Variants in ABCC8 observed in about 807,000 individuals in gnomAD.
The protein encoded by ABCC8 is ATP-binding cassette sub-family C member 8.
In ABCC8, 137 loss-of-function variants were observed where a neutral mutation model predicts 188.0. The ratio of observed to expected loss-of-function variants is 0.73; its 90% CI spans 0.63 to 0.84. The LOEUF is 0.84. Among genes scored for constraint, ABCC8 ranks in the 40% least tolerant of loss-of-function variants. ABCC8 has a pLI of 0.00. For synonymous variants in ABCC8, 797 were observed against 846.5 expected, an observed-to-expected ratio of 0.94 and a Z score of 1.01; for missense variants, 1,750 against 2,072.7, an observed-to-expected ratio of 0.84 and a Z score of 3.02.
chr11:17,415,187 C>T, intron 18 of ABCC8, 117 bp downstream of exon 18: 1 of 1,453,080 alleles, frequency 6.9e-7, no homozygotes, highest in East Asian at 2.5e-5. Flanking sequence ...CCCTGGCCTC[C>T]CCCAACACTG....
intron 13 of ABCC8, 73 bp from the exon 14 acceptor site, chr11:17,428,478 A>C (rs1344898270): frequency 1.2e-6 from 2 of 1,602,720 alleles, no homozygotes; most frequent in East Asian, 4.5e-5. Context: ...CTTCCTGGGA[A>C]AAAAGGCAGA....
At position 17,430,948 on chromosome 11, in the gene ABCC8, G is replaced by A. The variant is rs770543163; in HGVS notation, c.1683C>T (p.Gly561=). Residue 561 remains glycine (G), a synonymous_variant, in exon 12 of 39, where the codon GGC becomes GGT. Transcript: ENST00000389817. ...PIAAVLITFV[G]HVSFFKEADF... is the part of the protein sequence containing the mutation. ...CGGCCTCTTTGAAGAAGCTGACGTG[G>A]CCCACGAAAGTCTGTGGACAGAGGC... 12 of 1,614,028 alleles carry A rather than the reference G, an allele frequency of 7.4e-6. No homozygotes were observed. The highest frequency in any genetic ancestry group is 8.5e-6 in the Non-Finnish European group (10 of 1,179,988).
intron 28 of ABCC8, 150 bp from the exon 29 acceptor site, chr11:17,402,903 T>G: frequency 2.2e-6 from 2 of 908,160 alleles, no homozygotes; most frequent in Middle Eastern, 2.3e-4. Context: ...GGGAAGACAA[T>G]GCCACCAGCC....
At chr11:17,392,712 C>T, downstream of ABCC8, 1 of 491,132 alleles carries the variant, frequency 2.0e-6, no homozygotes, top group Non-Finnish European at 3.7e-6. Flanking sequence ...TTTAAAGCCA[C>T]CCAGTCTGTG....
chr11:17,436,069 A>G, intron 10 of ABCC8: 1 of 943,934 alleles, frequency 1.1e-6, no homozygotes, highest in Non-Finnish European at 1.7e-6. Context: ...GAACTGCTCC[A>G]TCTCTTCTTT....
At chr11:17,476,537 G>A (rs1286268324) in intron 1 of ABCC8, 92 bp downstream of exon 1, 4 of 1,496,596 alleles carry the variant, frequency 2.7e-6, no homozygotes, top group Non-Finnish European at 2.7e-6. Context: ...GTCGCGGGCC[G>A]GAAGGGGACG....
At chr11:17,415,847 T>A (rs1454135213) in intron 17 of ABCC8, among the ~76,000 whole-genome samples, 1 of 152,188 alleles carries the variant, frequency 6.6e-6, no homozygotes, top group East Asian at 1.9e-4. Flanking sequence ...GCTCCAGGCA[T>A]GATCTGCAGC....
intron 23 of ABCC8, among the ~76,000 whole-genome samples, chr11:17,407,751 A>G (rs1251105055): frequency 6.6e-6 from 1 of 152,174 alleles, no homozygotes; most frequent in Admixed American, 6.5e-5. Flanking sequence ...CAATCCTCAC[A>G]TTCCACACCG....
intron 7 of ABCC8, among the ~76,000 whole-genome samples, chr11:17,452,263 G>A (rs1367737619): frequency 6.6e-6 from 1 of 152,144 alleles, no homozygotes; most frequent in Non-Finnish European, 1.5e-5. Context: ...ACAGAAGGCA[G>A]GACCAAGAGC....
At position 17,406,688 on chromosome 11, in the gene ABCC8, G is replaced by A. The variant is rs1954542010; in HGVS notation, c.3263C>T (p.Thr1088Ile). 5 of 1,614,202 alleles carry A rather than the reference G, an allele frequency of 3.1e-6. No individual in the cohort carries two copies. In the East Asian group the frequency reaches 8.9e-5, roughly 29 times the overall value. Reference sequence around the variant, plus strand: ...CAGTCTCTTGGCCACCTTCAGCCCTGTCCACTCCACAGTGACAGACGTGAC... The same window carrying A: ...CAGTCTCTTGGCCACCTTCAGCCCTATCCACTCCACAGTGACAGACGTGAC... ...CLVTSVTVEW[T>I]GLKVAKRLHR... Residue 1088 changes from threonine (T) to isoleucine (I), a missense_variant, in exon 26 of 39, where the codon ACA becomes ATA. Thr to Ile is a moderately conservative substitution (Grantham distance 89, BLOSUM62 -1). Transcript: ENST00000389817.
rs748217908 is a variant in ABCC8 at position 17,470,054 on chromosome 11, G to A, written c.412+47C>T. On this transcript the variant is annotated intron_variant, in intron 3 of 38. Coordinates refer to ENST00000389817, the MANE Select transcript of ABCC8 (RefSeq NM_000352.6). ...AATGAGTCCTCAGTAAACATTATCT[G>A]AAGAAATGAATGAAGGTACTGCCCC... 2.0e-5 allele frequency: 32 copies of A among 1,602,694 alleles called. No homozygotes were observed. In the Admixed American group the frequency reaches 3.2e-4, roughly 16 times the overall value.
chr11:17,469,407 T>C (rs1848356309), intron 3 of ABCC8, among the ~76,000 whole-genome samples: 1 of 152,104 alleles, frequency 6.6e-6, no homozygotes, highest in Non-Finnish European at 1.5e-5. Flanking sequence ...GCTCAAGCTT[T>C]AGATGTCATC....
chr11:17,459,462 A>G (rs56027747), intron 6 of ABCC8, among the ~76,000 whole-genome samples: 4,136 of 152,326 alleles, frequency 0.027, 81 homozygotes, highest in Non-Finnish European at 0.041. Context: ...TGTTCAGCTG[A>G]CTAATTATGT....
At chr11:17,402,899 A>T (rs1954319071) in intron 28 of ABCC8, 146 bp from the exon 29 acceptor site, 1 of 943,550 alleles carries the variant, frequency 1.1e-6, no homozygotes, top group Admixed American at 2.0e-5. Flanking sequence ...AAGGGGGAAG[A>T]CAATGCCACC....
intron 12 of ABCC8, chr11:17,430,115 G>A (rs977973692): frequency 1.3e-5 from 2 of 155,908 alleles, no homozygotes; most frequent in African/African-American, 4.8e-5. Flanking sequence ...ACAGGCTCTT[G>A]CTTTCAAGGA....
intron 7 of ABCC8, 152 bp downstream of exon 7, chr11:17,452,967 A>T: frequency 1.3e-6 from 1 of 788,918 alleles, no homozygotes; most frequent in Non-Finnish European, 2.1e-6. Context: ...TGCCTTGTCA[A>T]TGGTTACTGT....
chr11:17,405,368 G>A, intron 27 of ABCC8, 126 bp downstream of exon 27: 1 of 1,451,356 alleles, frequency 6.9e-7, no homozygotes, highest in East Asian at 2.3e-5. Flanking sequence ...ATCGGATCGG[G>A]GACACTGGCT....
At chr11:17,397,513 G>T in intron 31 of ABCC8, 171 bp downstream of exon 31, 1 of 1,414,582 alleles carries the variant, frequency 7.1e-7, no homozygotes, top group South Asian at 1.3e-5. Context: ...CCTGTCTGGG[G>T]CCTGGGCCCT....
intron 3 of ABCC8, among the ~76,000 whole-genome samples, chr11:17,466,167 G>A (rs1848133228): frequency 1.3e-5 from 2 of 152,112 alleles, no homozygotes; most frequent in Admixed American, 6.6e-5. Flanking sequence ...TTGGGAGGCC[G>A]AGGTGGGCAG....
Sources: allele counts gnomAD v4.1 joint callset (sites outside exome capture counted in the v4.1 genomes callset), GRCh38; gene constraint gnomAD v4.1.1; transcripts MANE v1.5; gene names NCBI Gene and HGNC (gene_info 2026-07-23, HGNC 2026-07-21).